The following ZMAT3 variants were observed in gnomAD, a reference collection of about 807,000 sequenced individuals.
The protein encoded by ZMAT3 is zinc finger matrin-type 3, also known as zinc finger matrin-type protein 3.
A neutral mutation model predicts 32.3 loss-of-function variants in ZMAT3; 17 were observed. That is an observed-to-expected ratio of 0.53 (90% confidence interval 0.36 to 0.79). The LOEUF (loss-of-function observed/expected upper bound fraction) is 0.79, where lower values mean the gene tolerates loss of function less well. Among genes scored for constraint, ZMAT3 ranks in the 30% least tolerant of loss-of-function variants. ZMAT3 has a pLI of 0.00. For synonymous variants in ZMAT3, 120 were observed against 133.1 expected (o/e 0.90, Z 0.68); for missense variants, 329 against 359.7 (o/e 0.91, Z 0.69).
intron 2 of ZMAT3, among the ~76,000 whole-genome samples, chr3:179,033,849 C>T (rs1719433682): frequency 1.3e-5 from 2 of 152,198 alleles, no homozygotes; most frequent in Admixed American, 6.5e-5. Context: ...AATCCAGAGA[C>T]TGTAAGGAGC....
In ZMAT3 at chr3:179,030,915, G is replaced by T; in HGVS notation, c.355C>A (p.Pro119Thr). The T allele has an allele frequency of 2.5e-6, 4 of 1,613,784 alleles. No individual in the cohort carries two copies. The highest frequency in any genetic ancestry group is 1.7e-5 in the Admixed American group (1 of 59,984). The change falls in exon 3 of 6, where the codon CCT becomes ACT. Residue 119 changes from proline to threonine, a missense_variant. Physicochemically the swap from Pro to Thr is conservative, Grantham distance 38. Coordinates refer to ENST00000311417, the MANE Select transcript of ZMAT3 (RefSeq NM_022470.4). ...PPARMSNVVE[P>T]AATPVVPVPP... Reference sequence around the variant, plus strand: ...ACTGGAACAACTGGAGTAGCTGCAGGCTCGACCACATTGCTCATTCTAGCA... The same window carrying T: ...ACTGGAACAACTGGAGTAGCTGCAGTCTCGACCACATTGCTCATTCTAGCA...
rs6772028 is a variant in ZMAT3 at position 179,067,761 on chromosome 3, G to A, written c.-9C>T. The A allele has an allele frequency of 0.77, 1,247,269 of 1,613,098 alleles. 484,828 individuals are homozygous for A. Among genetic ancestry groups the A allele is most frequent in the East Asian group, 0.94 (42,339 of 44,854 alleles). The stretch of plus-strand genomic sequence containing the variant: ...TGTTGCAAGAGGATCATTGGGTAGG[G>A]AAGCCTGGGGCATAATCCAGTGGGT... On this transcript the variant is annotated 5_prime_UTR_variant, in exon 2 of 6. Transcript: ENST00000311417.
chr3:179,070,981 G>A (rs1234698416), intron 1 of ZMAT3, among the ~76,000 whole-genome samples: 1 of 152,150 alleles, frequency 6.6e-6, no homozygotes, highest in African/African-American at 2.4e-5. Context: ...AGCAAACTAG[G>A]TAAGTCTGTA....
In ZMAT3 at chr3:179,024,682, G is replaced by A. The variant is rs1300182587; in HGVS notation, c.*335C>T. 1.8e-5 allele frequency: 4 copies of A among 218,588 alleles called. No individual in the cohort carries two copies. In the East Asian group the frequency reaches 3.7e-4, roughly 20 times the overall value. 13.5% of individuals were successfully genotyped at this position (218,588 alleles called of 1,614,324 possible). On this transcript the variant is annotated 3_prime_UTR_variant, in exon 6 of 6. Transcript: ENST00000311417. The stretch of plus-strand genomic sequence containing the variant: ...CAAAAGAAAATGAAACTTTTAAATA[G>A]TCAAAGTTCTAAGCCGTCAGGCTAC...
chr3:179,028,553 G>T (rs1390536804), intron 3 of ZMAT3, among the ~76,000 whole-genome samples: 1 of 152,194 alleles, frequency 6.6e-6, no homozygotes, highest in African/African-American at 2.4e-5. Flanking sequence ...GTTTTTTCTG[G>T]GGTATGCTCT....
chr3:179,053,714 T>C (rs1167421973), intron 2 of ZMAT3, among the ~76,000 whole-genome samples: 2 of 152,200 alleles, frequency 1.3e-5, no homozygotes, highest in Non-Finnish European at 2.9e-5. Context: ...TTCTGTGGTA[T>C]TCTTGCTAAA....
At chr3:179,065,074 A>G (rs1721338174) in intron 2 of ZMAT3, among the ~76,000 whole-genome samples, 1 of 152,208 alleles carries the variant, frequency 6.6e-6, no homozygotes, top group South Asian at 2.1e-4. Flanking sequence ...CATCAGTCTC[A>G]TTCGAATCTT....
chr3:179,056,951 G>T (rs1720878395), intron 2 of ZMAT3, among the ~76,000 whole-genome samples: 1 of 152,214 alleles, frequency 6.6e-6, no homozygotes, highest in Non-Finnish European at 1.5e-5. Flanking sequence ...ACACCCATTT[G>T]TTGTCCCCAG....
At chr3:179,057,144 A>G (rs1314477658) in intron 2 of ZMAT3, among the ~76,000 whole-genome samples, 1 of 152,200 alleles carries the variant, frequency 6.6e-6, no homozygotes, top group African/African-American at 2.4e-5. Flanking sequence ...TAAAAGCCCA[A>G]GGCCTAGTAA....
intron 1 of ZMAT3, among the ~76,000 whole-genome samples, chr3:179,069,699 C>G (rs1052908554): frequency 2.0e-5 from 3 of 151,980 alleles, no homozygotes; most frequent in African/African-American, 4.8e-5. Flanking sequence ...GGGGAGGCAA[C>G]AAAGGAAATC....
At chr3:179,033,717 G>T (rs1719427198) in intron 2 of ZMAT3, among the ~76,000 whole-genome samples, 1 of 152,092 alleles carries the variant, frequency 6.6e-6, no homozygotes, top group Admixed American at 6.5e-5. Context: ...TTTTAAAATT[G>T]CCCTTACAGA....
chr3:179,027,624 CAG>C lies in ZMAT3; in HGVS notation c.557+20_557+21del, dbSNP rs775682723. The C allele has an allele frequency of 5.0e-6, 8 of 1,613,866 alleles. No individual in the cohort carries two copies. The highest frequency in any genetic ancestry group is 5.9e-6 in the Non-Finnish European group (7 of 1,179,936). ...TCAATCTCACATAACACTTTGGCCT[CAG>C]AGAAAATGGCAATACCTACGAGAAT... is the stretch of plus-strand genomic sequence containing the variant. On this transcript the variant is annotated intron_variant, in intron 4 of 5. Coordinates refer to ENST00000311417, the MANE Select transcript of ZMAT3 (RefSeq NM_022470.4).
intron 2 of ZMAT3, among the ~76,000 whole-genome samples, chr3:179,033,479 G>C (rs1719408831): frequency 7.1e-6 from 1 of 141,614 alleles, no homozygotes; most frequent in African/African-American, 2.6e-5. Context: ...AAACACCCAA[G>C]AATGATCAAT....
chr3:179,052,009 C>G (rs1720591507), intron 2 of ZMAT3, among the ~76,000 whole-genome samples: 1 of 152,140 alleles, frequency 6.6e-6, no homozygotes, highest in African/African-American at 2.4e-5. Context: ...TCATCTCTCA[C>G]CTTATACAAA....
At chr3:179,037,594 G>A (rs574288028) in intron 2 of ZMAT3, among the ~76,000 whole-genome samples, 16 of 152,150 alleles carry the variant, frequency 1.1e-4, no homozygotes, top group South Asian at 1.0e-3. Context: ...AGAGATTTCC[G>A]GCTGGTGAAG....
At chr3:179,044,992 C>T (rs765300909) in intron 2 of ZMAT3, among the ~76,000 whole-genome samples, 35 of 151,548 alleles carry the variant, frequency 2.3e-4, no homozygotes, top group Middle Eastern at 3.4e-3. Flanking sequence ...ATCAAACCTG[C>T]GCATTGTGCA....
chr3:179,055,831 C>T (rs964382308), intron 2 of ZMAT3, among the ~76,000 whole-genome samples: 5 of 152,096 alleles, frequency 3.3e-5, no homozygotes, highest in Admixed American at 2.6e-4. Context: ...AACTGCAGCC[C>T]GAGAGTTTGG....
At chr3:179,058,090 G>A (rs534480090) in intron 2 of ZMAT3, among the ~76,000 whole-genome samples, 1 of 152,364 alleles carries the variant, frequency 6.6e-6, no homozygotes, top group African/African-American at 2.4e-5. Context: ...TGATGTAGTG[G>A]TAAAGGGTTA....
At chr3:179,043,367 C>T (rs1283610823) in intron 2 of ZMAT3, among the ~76,000 whole-genome samples, 1 of 152,088 alleles carries the variant, frequency 6.6e-6, no homozygotes, top group Admixed American at 6.6e-5. Flanking sequence ...GTACTGGTAC[C>T]AAAACAGACA....
Sources: allele counts gnomAD v4.1 joint callset (sites outside exome capture counted in the v4.1 genomes callset), GRCh38; gene constraint gnomAD v4.1.1; transcripts MANE v1.5; gene names NCBI Gene and HGNC (gene_info 2026-07-23, HGNC 2026-07-21).